The following MAP2K1 variants were observed in gnomAD, a reference collection of about 807,000 sequenced individuals.
MAP2K1 encodes the protein dual specificity mitogen-activated protein kinase kinase 1.
MAP2K1 carries 16 observed loss-of-function variants against 46.3 expected under a neutral mutation model. The ratio of observed to expected loss-of-function variants is 0.35; its 90% CI spans 0.23 to 0.52. The LOEUF is 0.52. MAP2K1 is among the 20% of genes least tolerant of loss of function. The pLI, the probability that MAP2K1 is intolerant of heterozygous loss-of-function variation, is 0.94. For missense variants in MAP2K1, 263 were observed against 497.1 expected, an observed-to-expected ratio of 0.53 and a Z score of 4.48; for synonymous variants, 183 against 185.6, an observed-to-expected ratio of 0.99 and a Z score of 0.11.
intron 5 of MAP2K1, among the ~76,000 whole-genome samples, chr15:66,461,632 A>G (rs1039334805): frequency 5.9e-5 from 9 of 152,234 alleles, no homozygotes; most frequent in African/African-American, 2.2e-4. Flanking sequence ...TTTTCATTTG[A>G]AAAAACATTT....
chr15:66,436,672 T>C (rs2140582717), intron 2 of MAP2K1, 74 bp from the exon 3 acceptor site: 1 of 1,440,308 alleles, frequency 6.9e-7, no homozygotes, highest in Non-Finnish European at 9.8e-7. Flanking sequence ...CTTAAACATT[T>C]AACAAGACTA....
intron 5 of MAP2K1, among the ~76,000 whole-genome samples, chr15:66,461,896 G>C (rs1288889831): frequency 2.0e-5 from 3 of 152,026 alleles, no homozygotes; most frequent in Non-Finnish European, 4.4e-5. Context: ...CCTTCTTTTA[G>C]AGGTAATCTC....
At chr15:66,432,570 T>C (rs763519787) in intron 1 of MAP2K1, among the ~76,000 whole-genome samples, 1 of 152,238 alleles carries the variant, frequency 6.6e-6, no homozygotes, top group Non-Finnish European at 1.5e-5. Flanking sequence ...GGATTGTCTC[T>C]GGTGCAAAGG....
At position 66,469,962 on chromosome 15, in the gene MAP2K1, C is replaced by A. The variant is rs113507625; in HGVS notation, c.569-11793C>A. Among the ~76,000 whole-genome samples the A allele has an allele frequency of 4.0e-3, 601 of 151,424 alleles. 4 individuals carry two copies. The highest frequency in any genetic ancestry group is 0.01 in the Middle Eastern group (3 of 294). ...CCTGAGGTGATAGCTATTGCTCCTT[C>A]AGTTTGGCCTGGCTAGCAAAAACGT... On this transcript the variant is annotated intron_variant, in intron 5 of 10. Transcript: ENST00000307102.
chr15:66,389,805 C>CTTGTGA, intron 1 of MAP2K1, among the ~76,000 whole-genome samples: 1 of 152,054 alleles, frequency 6.6e-6, no homozygotes, highest in East Asian at 1.9e-4. Context: ...AACTCCTGAC[C>CTTGTGA]TCGTGATCCT....
chr15:66,437,490 G>C (rs905533042), intron 3 of MAP2K1, among the ~76,000 whole-genome samples: 48 of 152,312 alleles, frequency 3.2e-4, no homozygotes, highest in Non-Finnish European at 3.4e-4. Flanking sequence ...GCAAGTATTA[G>C]TCTTTGCTTT....
At chr15:66,408,896 T>G (rs1312158472) in intron 1 of MAP2K1, among the ~76,000 whole-genome samples, 2 of 152,220 alleles carry the variant, frequency 1.3e-5, no homozygotes, top group African/African-American at 4.8e-5. Flanking sequence ...CGGAGCACTC[T>G]GTACATATTC....
intron 5 of MAP2K1, among the ~76,000 whole-genome samples, chr15:66,476,054 T>C (rs574771906): frequency 5.9e-5 from 9 of 152,362 alleles, no homozygotes; most frequent in East Asian, 5.8e-4. Context: ...GAACATACTT[T>C]CTGAGTTTTT....
chr15:66,442,015 A>G (rs1161168932), intron 3 of MAP2K1, among the ~76,000 whole-genome samples: 1 of 152,200 alleles, frequency 6.6e-6, no homozygotes, highest in African/African-American at 2.4e-5. Flanking sequence ...GTTAAAATGT[A>G]GAACCCCTTA....
At chr15:66,428,773 C>CTTTTTTTTTTT (rs1196428468) in intron 1 of MAP2K1, among the ~76,000 whole-genome samples, 1 of 78,196 alleles carries the variant, frequency 1.3e-5, no homozygotes, top group African/African-American at 5.7e-5. Flanking sequence ...ATTTTCTTTC[C>CTTTTTTTTTTT]TTTTTTTTTT....
chr15:66,481,132 G>C (rs998822648), intron 5 of MAP2K1, among the ~76,000 whole-genome samples: 1 of 152,092 alleles, frequency 6.6e-6, no homozygotes. Flanking sequence ...GTAGCAAGGG[G>C]TTCCCCTTGA....
intron 3 of MAP2K1, 140 bp downstream of exon 3, chr15:66,437,032 C>G (rs1271306762): frequency 2.2e-6 from 2 of 908,974 alleles, no homozygotes; most frequent in Non-Finnish European, 3.6e-6. Flanking sequence ...TCTGGGAAGT[C>G]TAACTGTAGA....
rs942007966 is a variant in MAP2K1, at chr15:66,405,826, A to G, written c.80+18399A>G. ...TGGAAAGGAATTCCATTCTTAATGTATGAAATAGCACTTGGATTCCCTCTG... is the reference window on the plus strand; with the variant it reads ...TGGAAAGGAATTCCATTCTTAATGTGTGAAATAGCACTTGGATTCCCTCTG... On this transcript the variant is annotated intron_variant, in intron 1 of 10. Coordinates refer to ENST00000307102, the MANE Select transcript of MAP2K1 (RefSeq NM_002755.4). Among the ~76,000 whole-genome samples, 3 of 152,246 alleles carry G rather than the reference A, an allele frequency of 2.0e-5. No individual in the cohort carries two copies. In the East Asian group the frequency reaches 5.8e-4, roughly 29 times the overall value.
At chr15:66,460,780 G>A (rs955084989) in intron 5 of MAP2K1, among the ~76,000 whole-genome samples, 18 of 152,294 alleles carry the variant, frequency 1.2e-4, no homozygotes, top group African/African-American at 3.6e-4. Context: ...GGGGGTCTGA[G>A]TTAGGATAGT....
intron 1 of MAP2K1, among the ~76,000 whole-genome samples, chr15:66,424,055 G>A (rs1422864795): frequency 9.7e-6 from 1 of 103,086 alleles, no homozygotes; most frequent in African/African-American, 3.1e-5. Flanking sequence ...ACCCAGCCAT[G>A]TCTTGTGCAT....
intron 1 of MAP2K1, among the ~76,000 whole-genome samples, chr15:66,405,810 A>T (rs1170132221): frequency 4.1e-4 from 63 of 152,348 alleles, no homozygotes; most frequent in Non-Finnish European, 7.3e-5. Flanking sequence ...TTGGAAAGGA[A>T]TTCCATTCTT....
chr15:66,392,255 G>GTTTTTTTTTTTTTTTTTTTTT (rs58831070), intron 1 of MAP2K1, among the ~76,000 whole-genome samples: 3 of 97,760 alleles, frequency 3.1e-5, no homozygotes, highest in African/African-American at 1.4e-4. Context: ...TTTTTTTTGG[G>GTTTTTTTTTTTTTTTTTTTTT]TTTTTTTTTT....
chr15:66,414,000 G>A (rs1426687093), intron 1 of MAP2K1, among the ~76,000 whole-genome samples: 1 of 137,024 alleles, frequency 7.3e-6, no homozygotes, highest in Non-Finnish European at 1.5e-5. Context: ...GATATCCTCT[G>A]CATTCGTGGC....
chr15:66,490,273 A>C (rs1358424305), intron 10 of MAP2K1: 2 of 667,828 alleles, frequency 3.0e-6, no homozygotes, highest in Non-Finnish European at 5.5e-6. Flanking sequence ...TCCATACTGC[A>C]CGAGTAGGCT....
Sources: allele counts gnomAD v4.1 joint callset (sites outside exome capture counted in the v4.1 genomes callset), GRCh38; gene constraint gnomAD v4.1.1; transcripts MANE v1.5; gene names NCBI Gene and HGNC (gene_info 2026-07-23, HGNC 2026-07-21).